PHKA2: variants seen among roughly 807,000 people sequenced by gnomAD.
PHKA2 encodes phosphorylase kinase regulatory subunit alpha 2.
Under a neutral mutation model 102.0 loss-of-function variants are expected in PHKA2, and 31 were observed. The ratio of observed to expected loss-of-function variants is 0.30; its 90% CI spans 0.23 to 0.41. The LOEUF (loss-of-function observed/expected upper bound fraction) is 0.41, where lower values mean the gene tolerates loss of function less well. PHKA2 is among the 10% of genes least tolerant of loss of function. The pLI is 1.00. For missense variants in PHKA2, 858 were observed against 1,023.1 expected, an observed-to-expected ratio of 0.84 and a Z score of 2.20; for synonymous variants, 455 against 416.2, an observed-to-expected ratio of 1.09 and a Z score of -1.13.
chrX:18,945,035 A>T (rs770821312), intron 6 of PHKA2, 43 bp downstream of exon 6: 1 of 826,053 alleles, frequency 1.2e-6, no homozygotes, highest in Non-Finnish European at 1.8e-6. Context: ...AAATCAAAGC[A>T]GTAAAAACAT....
At chrX:18,955,062 T>C (rs1195642008) in intron 1 of PHKA2, among the ~76,000 whole-genome samples, 1 of 112,952 alleles carries the variant, frequency 8.9e-6, no homozygotes, top group Non-Finnish European at 1.9e-5. Flanking sequence ...CATAGCAGCA[T>C]TATTCACAAA....
intron 19 of PHKA2, among the ~76,000 whole-genome samples, chrX:18,917,857 C>T (rs1221078523): frequency 9.1e-6 from 1 of 110,282 alleles, no homozygotes; most frequent in Non-Finnish European, 1.9e-5. Flanking sequence ...GGGCAGAGGG[C>T]AGTGCAGTTC....
At chrX:18,915,984 C>T (rs2048013885) in intron 19 of PHKA2, among the ~76,000 whole-genome samples, 1 of 111,999 alleles carries the variant, frequency 8.9e-6, no homozygotes, top group Non-Finnish European at 1.9e-5. Flanking sequence ...ATTGGAAAGG[C>T]CCAGTGTGTA....
At chrX:18,973,606 T>C (rs1403448236) in intron 1 of PHKA2, among the ~76,000 whole-genome samples, 2 of 112,044 alleles carry the variant, frequency 1.8e-5, no homozygotes, top group African/African-American at 6.5e-5. Context: ...TCATGGGGTA[T>C]TGGCCATCTG....
Position 18,920,130 on chromosome X carries a change from T to C in PHKA2, c.1865A>G (p.Asp622Gly), listed in dbSNP as rs764192800. Residue 622 changes from aspartate to glycine, a missense_variant, in exon 18 of 33, where the codon GAC becomes GGC. Asp to Gly is a moderately conservative substitution (Grantham distance 94). Coordinates refer to ENST00000379942, the MANE Select transcript of PHKA2 (RefSeq NM_000292.3). ...FYTYLTFLDP[D>G]CDEKLFDNAS... ...ATTGTCAAACAACTTCTCATCACAGTCTGGATCCAGAAAAGTCAGATATGT... is the reference window on the plus strand; with the variant it reads ...ATTGTCAAACAACTTCTCATCACAGCCTGGATCCAGAAAAGTCAGATATGT... 1.8e-6 allele frequency: 2 copies of C among 1,141,368 alleles called. No homozygotes were observed. The highest frequency in any genetic ancestry group is 2.4e-6 in the Non-Finnish European group (2 of 831,045). 94.1% of individuals were successfully genotyped at this position (1,141,368 alleles called of 1,213,427 possible).
chrX:18,952,571 G>A (rs757928938), intron 2 of PHKA2, 30 bp from the exon 3 acceptor site: 32 of 1,194,622 alleles, frequency 2.7e-5, no homozygotes, highest in African/African-American at 3.5e-5. Context: ...TCAGCAACAC[G>A]GCCCAGGGTC....
chrX:18,967,000 G>A (rs1161806577), intron 1 of PHKA2, among the ~76,000 whole-genome samples: 1 of 111,289 alleles, frequency 9.0e-6, no homozygotes, highest in Non-Finnish European at 1.9e-5. Flanking sequence ...CTTGAGGAAT[G>A]TTTAGGGTGT....
chrX:18,913,981 T>C (rs1247102150), intron 19 of PHKA2, among the ~76,000 whole-genome samples: 1 of 112,307 alleles, frequency 8.9e-6, no homozygotes, highest in Admixed American at 9.5e-5. Context: ...CAGTTAACGT[T>C]TTTTAATAAG....
intron 1 of PHKA2, among the ~76,000 whole-genome samples, chrX:18,979,780 T>TA (rs1338414122): frequency 9.0e-6 from 1 of 110,890 alleles, no homozygotes; most frequent in Non-Finnish European, 1.9e-5. Context: ...GCTTAACTAA[T>TA]AATTTAATTT....
chrX:18,924,024 C>T (rs2048168085), intron 17 of PHKA2, 32 bp downstream of exon 17: 5 of 1,006,670 alleles, frequency 5.0e-6, no homozygotes, highest in Admixed American at 2.2e-5. Context: ...GTCAGTGCTA[C>T]TCTTATATTT....
In PHKA2 at chrX:18,893,325, A is replaced by C; in HGVS notation, c.*160T>G. ...AGCTCTATCTCTGTGGCTTTAACAT[A>C]CATCAGTTTCAGGGTGAGTGCTACC... is the stretch of plus-strand genomic sequence containing the variant. On this transcript the variant is annotated 3_prime_UTR_variant, in exon 33 of 33. Coordinates refer to ENST00000379942, the MANE Select transcript of PHKA2 (RefSeq NM_000292.3). The C allele has an allele frequency of 1.8e-6, 1 of 543,398 alleles. No individual in the cohort carries two copies. The highest frequency in any genetic ancestry group is 2.6e-5 in the Admixed American group (1 of 37,966). 44.8% of individuals were successfully genotyped at this position (543,398 alleles called of 1,213,427 possible). A position where few individuals can be genotyped will look rare whatever the true frequency, so the allele number is the denominator to read the frequency against.
At chrX:18,894,641 C>G (rs780913476) in intron 31 of PHKA2, 1 of 441,466 alleles carries the variant, frequency 2.3e-6, no homozygotes, top group Non-Finnish European at 4.0e-6. Context: ...TTCCCCCCAT[C>G]GACTACAGCT....
rs1199807401 is a variant in PHKA2 at position 18,978,983 on chromosome X, A to T, written c.78+4872T>A. On this transcript the variant is annotated intron_variant, in intron 1 of 32. Coordinates refer to ENST00000379942, the MANE Select transcript of PHKA2 (RefSeq NM_000292.3). ...AAACCCCACCTCTACTTAAAATACA[A>T]AAATTAGCCAGGTATGGTGGCACAC... Among the ~76,000 whole-genome samples, 4 of 109,653 alleles carry T rather than the reference A, an allele frequency of 3.6e-5. No homozygotes were observed. In the East Asian group the frequency reaches 1.2e-3, roughly 32 times the overall value.
intron 10 of PHKA2, among the ~76,000 whole-genome samples, chrX:18,937,251 C>T (rs1350106046): frequency 9.1e-6 from 1 of 110,027 alleles, no homozygotes; most frequent in Non-Finnish European, 1.9e-5. Context: ...AAAGACAGGT[C>T]GGTTCTGTTC....
At chrX:18,958,995 C>A (rs1169270694) in intron 1 of PHKA2, among the ~76,000 whole-genome samples, 2 of 112,033 alleles carry the variant, frequency 1.8e-5, no homozygotes, top group Non-Finnish European at 3.8e-5. Flanking sequence ...TAGGCATGAG[C>A]CACCACACCT....
rs2048546370 is a variant in PHKA2 at position 18,944,494 on chromosome X, C to A, written c.618+584G>T. ...TGGAGGAGGGAGGGAAGGAGGCACACCATATGTCTATGGCAAGAGAAGCAA... is the reference window on the plus strand; with the variant it reads ...TGGAGGAGGGAGGGAAGGAGGCACAACATATGTCTATGGCAAGAGAAGCAA... On this transcript the variant is annotated intron_variant, in intron 6 of 32. Coordinates refer to ENST00000379942, the MANE Select transcript of PHKA2 (RefSeq NM_000292.3). Among the ~76,000 whole-genome samples the A allele has an allele frequency of 2.7e-5, 3 of 111,804 alleles. 1 individual carries two copies. In the South Asian group the frequency reaches 1.1e-3, roughly 42 times the overall value.
chrX:18,981,221 A>G (rs1045023679), intron 1 of PHKA2, among the ~76,000 whole-genome samples: 2 of 111,361 alleles, frequency 1.8e-5, no homozygotes, highest in Non-Finnish European at 3.8e-5. Context: ...TGTGGGGGTG[A>G]ATGGGTGCAA....
At chrX:18,963,321 C>CT (rs1348383484) in intron 1 of PHKA2, among the ~76,000 whole-genome samples, 1 of 112,309 alleles carries the variant, frequency 8.9e-6, no homozygotes, top group African/African-American at 3.2e-5. Flanking sequence ...TCAGTCAGGA[C>CT]TTTCGCTGGA....
chrX:18,917,585 TC>T (rs1489654428), intron 19 of PHKA2, among the ~76,000 whole-genome samples: 8 of 111,732 alleles, frequency 7.2e-5, no homozygotes, highest in African/African-American at 2.6e-4. Context: ...AATCTAGAAT[TC>T]TATACCCAGC....
Sources: gnomAD v4.1 joint callset for allele counts (sites outside exome capture counted in the v4.1 genomes callset) on GRCh38, gnomAD v4.1.1 for gene constraint, MANE v1.5 for transcripts, NCBI Gene and HGNC (gene_info 2026-07-23, HGNC 2026-07-21) for gene names.